The following KATNAL1 variants were observed in gnomAD, a reference collection of about 807,000 sequenced individuals.
The protein encoded by KATNAL1 is katanin catalytic subunit A1 like 1.
Under a neutral mutation model 55.2 loss-of-function variants are expected in KATNAL1, and 32 were observed. The observed-to-expected ratio is 0.58, with a 90% CI of 0.44 to 0.78. The LOEUF (loss-of-function observed/expected upper bound fraction) is 0.78, where lower values mean the gene tolerates loss of function less well. Among genes scored for constraint, KATNAL1 ranks in the 30% least tolerant of loss-of-function variants. KATNAL1 has a pLI of 0.00. For missense variants in KATNAL1, 466 were observed against 600.9 expected (o/e 0.78, Z 2.35); for synonymous variants, 193 against 193.6 (o/e 1.00, Z 0.02).
intron 4 of KATNAL1, among the ~76,000 whole-genome samples, chr13:30,241,932 T>A (rs1357442769): frequency 2.0e-5 from 3 of 152,222 alleles, no homozygotes; most frequent in African/African-American, 7.2e-5. Flanking sequence ...TTCTGGGCAG[T>A]ATGGCGGTAG....
chr13:30,219,023 G>GA (rs1874590971), intron 9 of KATNAL1, among the ~76,000 whole-genome samples: 1 of 152,028 alleles, frequency 6.6e-6, no homozygotes, highest in Non-Finnish European at 1.5e-5. Context: ...TTTCTTTATG[G>GA]AAATTATATA....
At chr13:30,238,550 C>T (rs959698745) in intron 6 of KATNAL1, among the ~76,000 whole-genome samples, 1 of 152,202 alleles carries the variant, frequency 6.6e-6, no homozygotes, top group Non-Finnish European at 1.5e-5. Flanking sequence ...GTTCCTACAT[C>T]TCCAAAATGT....
At chr13:30,220,819 C>A (rs1395878530) in intron 9 of KATNAL1, among the ~76,000 whole-genome samples, 1 of 151,986 alleles carries the variant, frequency 6.6e-6, no homozygotes, top group Non-Finnish European at 1.5e-5. Flanking sequence ...CCTGCCTCAG[C>A]CGCCTGAGTA....
intron 9 of KATNAL1, among the ~76,000 whole-genome samples, chr13:30,225,683 C>T (rs2137381857): frequency 7.5e-6 from 1 of 132,492 alleles, no homozygotes; most frequent in South Asian, 2.4e-4. Flanking sequence ...CACACACACA[C>T]ACAAATTCAT....
At chr13:30,270,576 A>G (rs1880256531) in intron 3 of KATNAL1, among the ~76,000 whole-genome samples, 1 of 151,826 alleles carries the variant, frequency 6.6e-6, no homozygotes, top group Admixed American at 6.6e-5. Flanking sequence ...GCTCTGTACT[A>G]AGAAAAATTC....
chr13:30,208,454 A>T lies in KATNAL1; in HGVS notation c.*86T>A. Reference sequence around the variant, plus strand: ...AAGCGAAAACCACTCCACTGAAAAAAATTCCAAACTTGTTTTTTAAAAATT... The same window carrying T: ...AAGCGAAAACCACTCCACTGAAAAATATTCCAAACTTGTTTTTTAAAAATT... On this transcript the variant is annotated 3_prime_UTR_variant, in exon 11 of 11. Transcript: ENST00000380615. The T allele has an allele frequency of 5.6e-6, 7 of 1,243,932 alleles. No individual in the cohort carries two copies. The South Asian group carries it at 6.9e-5, about 12-fold the overall frequency. The allele number at this position is 1,243,932 out of a possible 1,614,324, so 77.1% of individuals were successfully genotyped here. A position where few individuals can be genotyped will look rare whatever the true frequency, so the allele number is the denominator to read the frequency against.
At chr13:30,251,872 AG>A (rs1878352663) in intron 4 of KATNAL1, among the ~76,000 whole-genome samples, 1 of 152,202 alleles carries the variant, frequency 6.6e-6, no homozygotes, top group Non-Finnish European at 1.5e-5. Context: ...TGTAGACCTC[AG>A]GGGGGAAAAT....
intron 9 of KATNAL1, among the ~76,000 whole-genome samples, chr13:30,216,149 G>A (rs1373847609): frequency 6.6e-6 from 1 of 152,104 alleles, no homozygotes; most frequent in African/African-American, 2.4e-5. Flanking sequence ...AACACAATCA[G>A]TATGATTTCA....
chr13:30,267,829 T>C (rs1303352322), intron 3 of KATNAL1, among the ~76,000 whole-genome samples: 3 of 152,058 alleles, frequency 2.0e-5, no homozygotes, highest in Non-Finnish European at 2.9e-5. Context: ...AGTCCTTCAG[T>C]GTTTTGGGCC....
intron 1 of KATNAL1, among the ~76,000 whole-genome samples, chr13:30,302,291 A>T (rs1371275801): frequency 2.0e-5 from 3 of 152,258 alleles, no homozygotes; most frequent in South Asian, 4.1e-4. Context: ...CTATATACAT[A>T]TAAGAAACAA....
intron 4 of KATNAL1, among the ~76,000 whole-genome samples, chr13:30,241,759 C>T (rs1877303061): frequency 6.6e-6 from 1 of 152,140 alleles, no homozygotes; most frequent in Non-Finnish European, 1.5e-5. Context: ...GACAAGAGAA[C>T]AAGACAAACT....
chr13:30,280,939 A>G (rs1397174370), intron 2 of KATNAL1, among the ~76,000 whole-genome samples: 1 of 152,056 alleles, frequency 6.6e-6, no homozygotes, highest in Non-Finnish European at 1.5e-5. Context: ...ATTACATTCA[A>G]GACCAGCCTG....
intron 1 of KATNAL1, 67 bp downstream of exon 1, chr13:30,307,264 G>C (rs1883243952): frequency 6.6e-6 from 1 of 152,328 alleles, no homozygotes. Flanking sequence ...AGGCCGAGAG[G>C]GGCTGTTGGC....
intron 1 of KATNAL1, among the ~76,000 whole-genome samples, chr13:30,286,030 A>G (rs1255535286): frequency 1.3e-5 from 2 of 152,220 alleles, no homozygotes; most frequent in Non-Finnish European, 2.9e-5. Flanking sequence ...AAAAGCATAC[A>G]GTTTTAAGCA....
chr13:30,268,022 T>C (rs1028975201), intron 3 of KATNAL1, among the ~76,000 whole-genome samples: 1 of 152,224 alleles, frequency 6.6e-6, no homozygotes, highest in Non-Finnish European at 1.5e-5. Flanking sequence ...ATTTTTCTAC[T>C]TGGGTCTATG....
chr13:30,228,891 T>C (rs760915129), intron 8 of KATNAL1, among the ~76,000 whole-genome samples: 4 of 152,204 alleles, frequency 2.6e-5, no homozygotes, highest in Non-Finnish European at 5.9e-5. Context: ...TAGCTGGGAC[T>C]ACAGGCACAT....
chr13:30,274,302 C>A (rs1880591802), intron 3 of KATNAL1, among the ~76,000 whole-genome samples: 1 of 152,142 alleles, frequency 6.6e-6, no homozygotes, highest in African/African-American at 2.4e-5. Context: ...CTTTTCACTG[C>A]AATTTGGGAT....
chr13:30,239,685 ATTT>A (rs35752433), intron 6 of KATNAL1, among the ~76,000 whole-genome samples: 6 of 99,046 alleles, frequency 6.1e-5, no homozygotes, highest in Admixed American at 1.2e-4. Flanking sequence ...TACAGAAGTG[ATTT>A]TTTTTTTTTT....
At chr13:30,286,189 A>C (rs1475435378) in intron 1 of KATNAL1, among the ~76,000 whole-genome samples, 24 of 152,242 alleles carry the variant, frequency 1.6e-4, no homozygotes, top group Admixed American at 1.5e-3. Flanking sequence ...AATTTGCATA[A>C]GTAACAAGGA....
Sources: allele counts gnomAD v4.1 joint callset (sites outside exome capture counted in the v4.1 genomes callset), GRCh38; gene constraint gnomAD v4.1.1; transcripts MANE v1.5; gene names NCBI Gene and HGNC (gene_info 2026-07-23, HGNC 2026-07-21).